Variants in SNTG1 observed in about 807,000 individuals in gnomAD.
The protein encoded by SNTG1 is syntrophin gamma 1.
Under a neutral mutation model 74.7 loss-of-function variants are expected in SNTG1, and 39 were observed. That is an observed-to-expected ratio of 0.52 (90% CI 0.40 to 0.68). SNTG1 has a LOEUF of 0.68. Ranked by LOEUF, SNTG1 falls within the 30% of genes least tolerant of loss-of-function variation. The pLI, the probability that SNTG1 is intolerant of heterozygous loss-of-function variation, is 0.00. For synonymous variants in SNTG1, 254 were observed against 217.1 expected, an observed-to-expected ratio of 1.17 and a Z score of -1.49; for missense variants, 685 against 609.5, an observed-to-expected ratio of 1.12 and a Z score of -1.30.
At chr8:50,582,579 G>C (rs1430461037) in intron 12 of SNTG1, among the ~76,000 whole-genome samples, 3 of 151,892 alleles carry the variant, frequency 2.0e-5, no homozygotes, top group Non-Finnish European at 4.4e-5. Flanking sequence ...GCATCTGAAA[G>C]TATCATCCTG....
At chr8:50,390,133 G>T (rs2092635496) in intron 2 of SNTG1, among the ~76,000 whole-genome samples, 1 of 151,366 alleles carries the variant, frequency 6.6e-6, no homozygotes, top group African/African-American at 2.4e-5. Flanking sequence ...ATTGCTTTTG[G>T]TGTTTTAGAT....
At chr8:50,627,147 G>A (rs1041303761) in intron 13 of SNTG1, among the ~76,000 whole-genome samples, 5 of 151,922 alleles carry the variant, frequency 3.3e-5, no homozygotes, top group Non-Finnish European at 5.9e-5. Context: ...CCATTTCCAG[G>A]CATGACTGCC....
intron 2 of SNTG1, among the ~76,000 whole-genome samples, chr8:50,289,115 TTAAGA>T (rs1370794814): frequency 2.6e-5 from 4 of 152,176 alleles, no homozygotes; most frequent in African/African-American, 9.7e-5. Flanking sequence ...ACCTTTAGAC[TTAAGA>T]TAAATAGTAT....
chr8:50,685,381 C>T (rs1167026036), intron 15 of SNTG1, among the ~76,000 whole-genome samples: 1 of 151,958 alleles, frequency 6.6e-6, no homozygotes, highest in African/African-American at 2.4e-5. Flanking sequence ...TTATATAAGC[C>T]CCTTTGCCTC....
chr8:50,358,586 T>G (rs1026287239), intron 2 of SNTG1, among the ~76,000 whole-genome samples: 11 of 152,232 alleles, frequency 7.2e-5, no homozygotes, highest in African/African-American at 2.7e-4. Context: ...AATAACACTA[T>G]GCACAACTTT....
chr8:50,612,440 T>C (rs2094857269), intron 13 of SNTG1, among the ~76,000 whole-genome samples: 1 of 152,206 alleles, frequency 6.6e-6, no homozygotes, highest in Admixed American at 6.5e-5. Context: ...CATAATACAT[T>C]ACATTTCAAG....
intron 1 of SNTG1, among the ~76,000 whole-genome samples, chr8:49,976,031 G>GAT (rs1812162056): frequency 1.3e-5 from 2 of 152,054 alleles, no homozygotes; most frequent in African/African-American, 4.8e-5. Flanking sequence ...CAAAAACTGT[G>GAT]ATAGAGAAAG....
intron 1 of SNTG1, among the ~76,000 whole-genome samples, chr8:50,169,415 C>T (rs2131639423): frequency 6.6e-6 from 1 of 152,272 alleles, no homozygotes; most frequent in South Asian, 2.1e-4. Context: ...AGGAGCAATT[C>T]TGCTTCTTCC....
intron 9 of SNTG1, among the ~76,000 whole-genome samples, chr8:50,513,268 C>T (rs566856117): frequency 6.6e-6 from 1 of 152,302 alleles, no homozygotes; most frequent in African/African-American, 2.4e-5. Flanking sequence ...CCTGATCGTT[C>T]CTCTGGAAGT....
intron 1 of SNTG1, among the ~76,000 whole-genome samples, chr8:50,089,117 C>CTGAT (rs1242184248): frequency 1.3e-5 from 2 of 151,100 alleles, no homozygotes; most frequent in Non-Finnish European, 3.0e-5. Context: ...CTACAACTAT[C>CTGAT]TGATCTTTGA....
rs71235777 is a variant in SNTG1, at chr8:50,058,734, T to TTGTG, written c.-102-113801_-102-113798dup. On this transcript the variant is annotated intron_variant, in intron 1 of 18. Transcript: ENST00000642720. ...TTCAGATCCACAATTTTACTTACAT[T>TTGTG]TGTGTGTGTGTGTGTGTGTGTGTGT... Among the ~76,000 whole-genome samples, 947 of 145,750 alleles carry TTGTG rather than the reference T, an allele frequency of 6.5e-3. 4 individuals carry two copies. Among genetic ancestry groups the TTGTG allele is most frequent in the South Asian group, 0.022 (101 of 4,554 alleles).
At chr8:50,200,501 T>A (rs968127899) in intron 2 of SNTG1, among the ~76,000 whole-genome samples, 3 of 152,122 alleles carry the variant, frequency 2.0e-5, no homozygotes, top group African/African-American at 7.2e-5. Context: ...AGAAATCTTC[T>A]CTGTGTGGAA....
intron 13 of SNTG1, among the ~76,000 whole-genome samples, chr8:50,609,298 T>C (rs941605095): frequency 6.6e-6 from 1 of 152,100 alleles, no homozygotes; most frequent in African/African-American, 2.4e-5. Context: ...TTCTGAAGGA[T>C]AGTTTTATTA....
intron 2 of SNTG1, among the ~76,000 whole-genome samples, chr8:50,237,889 T>C (rs534330667): frequency 1.2e-4 from 19 of 152,300 alleles, no homozygotes; most frequent in Non-Finnish European, 2.6e-4. Context: ...TATTTAGATA[T>C]GAAACTCTGG....
At chr8:50,067,749 T>C (rs991119779) in intron 1 of SNTG1, among the ~76,000 whole-genome samples, 1 of 152,162 alleles carries the variant, frequency 6.6e-6, no homozygotes, top group African/African-American at 2.4e-5. Flanking sequence ...CATGAGCTCT[T>C]GTAGATGCTG....
chr8:50,218,554 TG>T (rs923787271), intron 2 of SNTG1, among the ~76,000 whole-genome samples: 15 of 151,626 alleles, frequency 9.9e-5, no homozygotes, highest in African/African-American at 2.4e-4. Context: ...ATTTTTTCTA[TG>T]TTTTTTTTTC....
chr8:50,615,890 CAATCAATCACTTGATCCA>C (rs1426532128), intron 13 of SNTG1, among the ~76,000 whole-genome samples: 6 of 152,174 alleles, frequency 3.9e-5, no homozygotes, highest in Non-Finnish European at 7.3e-5. Flanking sequence ...ACATACTGAT[CAATCAATCACTTGATCCA>C]GACAAATTTT....
At chr8:50,088,843 C>T (rs968473082) in intron 1 of SNTG1, among the ~76,000 whole-genome samples, 9 of 148,582 alleles carry the variant, frequency 6.1e-5, no homozygotes, top group Middle Eastern at 3.5e-3. Flanking sequence ...AGGTAATTTA[C>T]AGATTCAATG....
chr8:50,059,733 A>T (rs1031467883), intron 1 of SNTG1, among the ~76,000 whole-genome samples: 3 of 152,202 alleles, frequency 2.0e-5, no homozygotes, highest in South Asian at 2.1e-4. Context: ...TTACTTATAC[A>T]TTTATCAGTG....
Sources: allele counts gnomAD v4.1 joint callset (sites outside exome capture counted in the v4.1 genomes callset), GRCh38; gene constraint gnomAD v4.1.1; transcripts MANE v1.5; gene names NCBI Gene and HGNC (gene_info 2026-07-23, HGNC 2026-07-21).